The following GPHN variants were observed in gnomAD, a reference collection of about 807,000 sequenced individuals.
The protein encoded by GPHN is gephyrin.
GPHN carries 17 observed loss-of-function variants against 95.5 expected under a neutral mutation model. The ratio of observed to expected loss-of-function variants is 0.18; its 90% CI spans 0.12 to 0.27. GPHN has a LOEUF of 0.27. Among genes scored for constraint, GPHN ranks in the 10% least tolerant of loss-of-function variants. GPHN has a pLI of 1.00. For missense variants in GPHN, 660 were observed against 978.1 expected (o/e 0.67, Z 4.34); for synonymous variants, 320 against 322.5 (o/e 0.99, Z 0.08).
the GPHN span, among the ~76,000 whole-genome samples, chr14:67,441,014 A>G: frequency 6.6e-6 from 1 of 152,224 alleles, no homozygotes; most frequent in African/African-American, 2.4e-5. Context: ...CCAATATTCC[A>G]GGAATAGTCA....
chr14:67,279,469 A>G, the GPHN span: 1 of 1,609,946 alleles, frequency 6.2e-7, no homozygotes, highest in South Asian at 1.1e-5. Context: ...ACCGGAATAG[A>G]TAACCCTATG....
chr14:67,059,352 C>G (rs2075733721), intron 11 of GPHN, among the ~76,000 whole-genome samples: 1 of 152,158 alleles, frequency 6.6e-6, no homozygotes, highest in African/African-American at 2.4e-5. Flanking sequence ...ATTTAGGCAT[C>G]CAGTTCCAGG....
chr14:66,577,859 C>G (rs920008363), intron 1 of GPHN, among the ~76,000 whole-genome samples: 4 of 152,020 alleles, frequency 2.6e-5, no homozygotes, highest in African/African-American at 9.7e-5. Flanking sequence ...TGCCTCTGTA[C>G]TCTTCTATTT....
chr14:67,167,535 A>G (rs1304244603), intron 20 of GPHN, among the ~76,000 whole-genome samples: 1 of 152,230 alleles, frequency 6.6e-6, no homozygotes, highest in Non-Finnish European at 1.5e-5. Flanking sequence ...TAAAAAATCT[A>G]TTCTTAAGCA....
the GPHN span, chr14:67,447,148 A>C: frequency 2.2e-4 from 34 of 152,384 alleles, no homozygotes; most frequent in Admixed American, 1.9e-3. Flanking sequence ...AGATTGAGGT[A>C]TCGGCAGGTT....
At chr14:67,430,091 G>A in the GPHN span, among the ~76,000 whole-genome samples, 3 of 152,158 alleles carry the variant, frequency 2.0e-5, no homozygotes, top group African/African-American at 7.2e-5. Flanking sequence ...AAACTCCTGC[G>A]AGAGGAGCCC....
the GPHN span, among the ~76,000 whole-genome samples, chr14:67,715,461 G>A: frequency 1.3e-5 from 2 of 152,128 alleles, no homozygotes; most frequent in Non-Finnish European, 2.9e-5. Flanking sequence ...ATTGCTGTAA[G>A]CCCTTGAGTT....
intron 10 of GPHN, among the ~76,000 whole-genome samples, chr14:67,036,864 G>GA (rs144980398): frequency 0.012 from 1,826 of 151,868 alleles, 18 homozygotes; most frequent in Non-Finnish European, 0.018. Flanking sequence ...CTACCCAAAG[G>GA]AATCTACAAA....
the GPHN span, among the ~76,000 whole-genome samples, chr14:67,682,099 G>A: frequency 0.037 from 5,566 of 152,090 alleles, 297 homozygotes; most frequent in African/African-American, 0.12. Context: ...CTCAGCCTCC[G>A]GAACCATGAG....
chr14:66,957,464 G>A (rs1470588556), intron 8 of GPHN, among the ~76,000 whole-genome samples: 1 of 151,664 alleles, frequency 6.6e-6, no homozygotes, highest in Non-Finnish European at 1.5e-5. Flanking sequence ...CCAAATTGTT[G>A]GGATTACAGG....
the GPHN span, among the ~76,000 whole-genome samples, chr14:67,442,821 G>A: frequency 6.6e-6 from 1 of 152,224 alleles, no homozygotes; most frequent in African/African-American, 2.4e-5. Flanking sequence ...ACGAACATGT[G>A]ACCTTAGGGA....
chr14:67,037,109 T>C (rs552319840), intron 10 of GPHN, among the ~76,000 whole-genome samples: 2 of 152,086 alleles, frequency 1.3e-5, no homozygotes, highest in East Asian at 1.9e-4. Flanking sequence ...TAACAGAATA[T>C]AGAGCCCAGA....
chr14:67,235,790 G>A, the GPHN span, among the ~76,000 whole-genome samples: 1 of 151,870 alleles, frequency 6.6e-6, no homozygotes, highest in African/African-American at 2.4e-5. Flanking sequence ...CACTCAGATG[G>A]GTACAAATAA....
At chr14:67,537,346 A>T in the GPHN span, among the ~76,000 whole-genome samples, 4 of 126,602 alleles carry the variant, frequency 3.2e-5, no homozygotes, top group South Asian at 2.6e-4. Flanking sequence ...TCCATCTCAA[A>T]AATAATAATA....
intron 13 of GPHN, among the ~76,000 whole-genome samples, chr14:67,104,091 T>G (rs184213151): frequency 1.3e-5 from 2 of 152,306 alleles, no homozygotes; most frequent in African/African-American, 4.8e-5. Context: ...TTGTTGAATT[T>G]TATCAGATGT....
chr14:66,983,779 T>C (rs1007685820), intron 9 of GPHN, among the ~76,000 whole-genome samples: 2 of 152,202 alleles, frequency 1.3e-5, no homozygotes, highest in African/African-American at 4.8e-5. Flanking sequence ...ACTGAAATGG[T>C]ACAGGAAAAA....
At chr14:67,092,675 A>G (rs1182323211) in intron 12 of GPHN, among the ~76,000 whole-genome samples, 2 of 152,146 alleles carry the variant, frequency 1.3e-5, no homozygotes, top group Admixed American at 6.6e-5. Context: ...TCAAAATAAA[A>G]CATTAAGAAA....
chr14:67,315,159 C>T, the GPHN span, among the ~76,000 whole-genome samples: 1 of 151,480 alleles, frequency 6.6e-6, no homozygotes, highest in Admixed American at 6.6e-5. Flanking sequence ...ATAGTTCATA[C>T]TACAAAAAGT....
At chr14:67,342,274 A>C in the GPHN span, among the ~76,000 whole-genome samples, 2 of 151,912 alleles carry the variant, frequency 1.3e-5, no homozygotes, top group African/African-American at 4.8e-5. Context: ...CCAACCATCC[A>C]AAAGAGTAAC....
Sources: gnomAD v4.1 joint callset for allele counts (sites outside exome capture counted in the v4.1 genomes callset) on GRCh38, gnomAD v4.1.1 for gene constraint, MANE v1.5 for transcripts, NCBI Gene and HGNC (gene_info 2026-07-23, HGNC 2026-07-21) for gene names.